The following BCL2L2 variants were observed in gnomAD, a reference collection of about 807,000 sequenced individuals.
BCL2L2 encodes the protein bcl-2-like protein 2.
A neutral mutation model predicts 14.6 loss-of-function variants in BCL2L2; 6 were observed. The ratio of observed to expected loss-of-function variants is 0.41; its 90% CI spans 0.22 to 0.81. The LOEUF is 0.81. Among genes scored for constraint, BCL2L2 ranks in the 30% least tolerant of loss-of-function variants. The probability of loss-of-function intolerance (pLI) is 0.32; values close to 1 mark genes in which losing one functional copy is unlikely to be tolerated. For synonymous variants in BCL2L2, 90 were observed against 108.5 expected, an observed-to-expected ratio of 0.83 and a Z score of 1.06; for missense variants, 191 against 260.5, an observed-to-expected ratio of 0.73 and a Z score of 1.84.
At chr14:23,307,668 T>A in intron 2 of BCL2L2, 92 bp from the exon 3 acceptor site, 16 of 1,475,610 alleles carry the variant, frequency 1.1e-5, no homozygotes, top group Non-Finnish European at 1.4e-5. Context: ...TCCTCTCTCC[T>A]CCTCATCTCA....
In BCL2L2 at chr14:23,307,840, A is replaced by G; in HGVS notation, c.73A>G (p.Lys25Glu). 6.3e-7 allele frequency: 1 copy of G among 1,596,416 alleles called. No homozygotes were observed. ...ADFVGYKLRQ[K>E]GYVCGAGPGE... is the part of the protein sequence containing the mutation. ...CTTTGTAGGTTATAAGCTGAGGCAG[A>G]AGGGTTATGTCTGTGGAGCTGGCCC... The change falls in exon 3 of 4, where the codon AAG (lysine) becomes GAG (glutamate). Residue 25 changes from lysine (K) to glutamate (E), a missense_variant. Physicochemically the swap from Lys to Glu is moderately conservative, Grantham distance 56. Transcript: ENST00000250405.
Position 23,308,734 on chromosome 14 carries a change from T to C in BCL2L2, c.433-82T>C. The stretch of plus-strand genomic sequence containing the variant: ...CTCGCAGTGGATGGAACTGGAACTC[T>C]TCCTCTCCTCTTCTCTCCACTCTTT... On this transcript the variant is annotated intron_variant, in intron 3 of 3. Coordinates refer to ENST00000250405, the MANE Select transcript of BCL2L2 (RefSeq NM_004050.5). The surrounding 1 kb of genome is among the most constrained non-coding windows in gnomAD (Gnocchi z 5.4). 6.0e-6 allele frequency: 7 copies of C among 1,157,370 alleles called. No individual in the cohort carries two copies. The highest frequency in any genetic ancestry group is 5.7e-6 in the Non-Finnish European group (5 of 879,356). 71.7% of individuals were successfully genotyped at this position (1,157,370 alleles called of 1,614,324 possible). A position where few individuals can be genotyped will look rare whatever the true frequency, so the allele number is the denominator to read the frequency against.
rs1887475202 is a variant in BCL2L2 at position 23,309,486 on chromosome 14, GTGA to G, written c.*524_*526del. 1 of 986,550 alleles carries G rather than the reference GTGA, an allele frequency of 1.0e-6. No individual in the cohort carries two copies. Among genetic ancestry groups the G allele is most frequent in the Non-Finnish European group, 1.2e-6 (1 of 830,648 alleles). The allele number at this position is 986,550 out of a possible 1,614,324, so 61.1% of individuals were successfully genotyped here. A position where few individuals can be genotyped will look rare whatever the true frequency, so the allele number is the denominator to read the frequency against. ...GCTGGGCTGCCTGGCAAATCTGGTG[GTGA>G]TGGGATTCCTCAAGGAGAAAACATT... On this transcript the variant is annotated 3_prime_UTR_variant, in exon 4 of 4. Transcript: ENST00000250405.
chr14:23,307,802 C>G lies in BCL2L2; in HGVS notation c.35C>G (p.Ala12Gly). Residue 12 changes from alanine to glycine, a missense_variant, in exon 3 of 4, where the codon GCT becomes GGT. Coordinates refer to ENST00000250405, the MANE Select transcript of BCL2L2 (RefSeq NM_004050.5). ...CCAGCCTCGGCCCCAGACACACGGG[C>G]TCTGGTGGCAGACTTTGTAGGTTAT... ...ATPASAPDTR[A>G]LVADFVGYKL... 2 of 1,544,702 alleles carry G rather than the reference C, an allele frequency of 1.3e-6. No homozygotes were observed. The highest frequency in any genetic ancestry group is 1.7e-6 in the Non-Finnish European group (2 of 1,147,514).
In BCL2L2 at chr14:23,311,733, C is replaced by T. The variant is rs1380528404; in HGVS notation, c.*2768C>T. On this transcript the variant is annotated 3_prime_UTR_variant, in exon 4 of 4. Coordinates refer to ENST00000250405, the MANE Select transcript of BCL2L2 (RefSeq NM_004050.5). ...ATCGTATTAAAAACAATAAATAAAG[C>T]CCAGAAGTTTAATGAGAAGGACTGA... The T allele has an allele frequency of 3.1e-6, 3 of 968,074 alleles. No individual in the cohort carries two copies. Among genetic ancestry groups the T allele is most frequent in the Non-Finnish European group, 3.7e-6 (3 of 814,482 alleles). 60.0% of individuals were successfully genotyped at this position (968,074 alleles called of 1,614,324 possible). A position where few individuals can be genotyped will look rare whatever the true frequency, so the allele number is the denominator to read the frequency against.
In BCL2L2 at chr14:23,310,771, C is replaced by T; in HGVS notation, c.*1806C>T. ...GTTTCCTAGGGGTTGCCTCAGGAGT[C>T]CTTGGGGAGATGAAGGGGGTGGGGA... On this transcript the variant is annotated 3_prime_UTR_variant, in exon 4 of 4. Transcript: ENST00000250405. 8.3e-7 allele frequency: 1 copy of T among 1,199,518 alleles called. No individual in the cohort carries two copies. Among genetic ancestry groups the T allele is most frequent in the Non-Finnish European group, 1.1e-6 (1 of 946,542 alleles). The allele number at this position is 1,199,518 out of a possible 1,614,324, so 74.3% of individuals were successfully genotyped here.
rs753772043 is a variant in BCL2L2 at position 23,309,727 on chromosome 14, T to C, written c.*762T>C. 8.4e-4 allele frequency: 824 copies of C among 985,606 alleles called. No homozygotes were observed. Among genetic ancestry groups the C allele is most frequent in the Non-Finnish European group, 9.5e-4 (786 of 830,036 alleles). The allele number at this position is 985,606 out of a possible 1,614,324, so 61.1% of individuals were successfully genotyped here. On this transcript the variant is annotated 3_prime_UTR_variant, in exon 4 of 4. Coordinates refer to ENST00000250405, the MANE Select transcript of BCL2L2 (RefSeq NM_004050.5). ...TTGTTCCTTCATCATCCCCCTTCCTTGTGCATTATGCACTTGCTGCTGCCT... is the reference window on the plus strand; with the variant it reads ...TTGTTCCTTCATCATCCCCCTTCCTCGTGCATTATGCACTTGCTGCTGCCT...
chr14:23,310,082 G>A lies in BCL2L2; in HGVS notation c.*1117G>A, dbSNP rs1887514587. Reference sequence around the variant, plus strand: ...GTACTCCAGGACTGGCCTATGCTGTGTTGTGGGCTTTGGTTCGGCTTTATC... The same window carrying A: ...GTACTCCAGGACTGGCCTATGCTGTATTGTGGGCTTTGGTTCGGCTTTATC... On this transcript the variant is annotated 3_prime_UTR_variant, in exon 4 of 4. Coordinates refer to ENST00000250405, the MANE Select transcript of BCL2L2 (RefSeq NM_004050.5). 1 of 985,546 alleles carries A rather than the reference G, an allele frequency of 1.0e-6. No individual in the cohort carries two copies. Among genetic ancestry groups the A allele is most frequent in the Non-Finnish European group, 1.2e-6 (1 of 830,044 alleles). The allele number at this position is 985,546 out of a possible 1,614,324, so 61.1% of individuals were successfully genotyped here.
Position 23,310,454 on chromosome 14 carries a change from G to A in BCL2L2, c.*1489G>A, listed in dbSNP as rs1887539734. ...AGCTAGACCATGGTTGACTCTTCTT[G>A]GAGATTTTCACTTGGTCCTAGAATG... On this transcript the variant is annotated 3_prime_UTR_variant, in exon 4 of 4. Coordinates refer to ENST00000250405, the MANE Select transcript of BCL2L2 (RefSeq NM_004050.5). 9.9e-7 allele frequency: 1 copy of A among 1,010,524 alleles called. No individual in the cohort carries two copies. Among genetic ancestry groups the A allele is most frequent in the Non-Finnish European group, 1.2e-6 (1 of 845,670 alleles). The allele number at this position is 1,010,524 out of a possible 1,614,324, so 62.6% of individuals were successfully genotyped here. A position where few individuals can be genotyped will look rare whatever the true frequency, so the allele number is the denominator to read the frequency against.
rs78478800 is a variant in BCL2L2 at position 23,310,731 on chromosome 14, T to G, written c.*1766T>G. ...CTAGGCCAGTGGTTTTCAAACTGCTTGGCAGAGCCCTGAAGTTTCCTAGGG... is the reference window on the plus strand; with the variant it reads ...CTAGGCCAGTGGTTTTCAAACTGCTGGGCAGAGCCCTGAAGTTTCCTAGGG... On this transcript the variant is annotated 3_prime_UTR_variant, in exon 4 of 4. Transcript: ENST00000250405. 3.4e-5 allele frequency: 40 copies of G among 1,187,578 alleles called. No individual in the cohort carries two copies. The East Asian group carries it at 2.3e-3, about 67-fold the overall frequency. 73.6% of individuals were successfully genotyped at this position (1,187,578 alleles called of 1,614,324 possible).
chr14:23,311,461 T>G lies in BCL2L2; in HGVS notation c.*2496T>G. 1 of 1,037,878 alleles carries G rather than the reference T, an allele frequency of 9.6e-7. No individual in the cohort carries two copies. The highest frequency in any genetic ancestry group is 1.2e-6 in the Non-Finnish European group (1 of 863,230). 64.3% of individuals were successfully genotyped at this position (1,037,878 alleles called of 1,614,324 possible). On this transcript the variant is annotated 3_prime_UTR_variant, in exon 4 of 4. Coordinates refer to ENST00000250405, the MANE Select transcript of BCL2L2 (RefSeq NM_004050.5). ...GAGCCCAAAGGGACAAATAGGGACT[T>G]TGTTTAGGCCAAGGAAGGAGCGGAA...
chr14:23,307,586 C>CA (rs1035339611), intron 2 of BCL2L2, among the ~76,000 whole-genome samples, 174 bp from the exon 3 acceptor site: 1 of 152,238 alleles, frequency 6.6e-6, no homozygotes, highest in African/African-American at 2.4e-5. Context: ...GCCAGCCACT[C>CA]ACAGCCTAGT....
chr14:23,309,815 A>G lies in BCL2L2; in HGVS notation c.*850A>G. 1.0e-6 allele frequency: 1 copy of G among 985,450 alleles called. No homozygotes were observed. The highest frequency in any genetic ancestry group is 1.2e-6 in the Non-Finnish European group (1 of 829,962). The allele number at this position is 985,450 out of a possible 1,614,324, so 61.0% of individuals were successfully genotyped here. The stretch of plus-strand genomic sequence containing the variant: ...GATGGGTGGAGGCTTAGGTAGCCGG[A>G]CCTGCCTGCCACCCTCCTCTCCCAC... On this transcript the variant is annotated 3_prime_UTR_variant, in exon 4 of 4. Transcript: ENST00000250405.
At position 23,310,198 on chromosome 14, in the gene BCL2L2, T is replaced by C. The variant is rs1887522460; in HGVS notation, c.*1233T>C. 1.0e-6 allele frequency: 1 copy of C among 985,802 alleles called. No individual in the cohort carries two copies. The highest frequency in any genetic ancestry group is 1.7e-5 in the African/African-American group (1 of 57,232). 61.1% of individuals were successfully genotyped at this position (985,802 alleles called of 1,614,324 possible). ...GCCACACTGTTTGCATGGGTGTTAC[T>C]TGTCTGTACCTCAGAGTCTGAGGAT... On this transcript the variant is annotated 3_prime_UTR_variant, in exon 4 of 4. Transcript: ENST00000250405.
rs1490694050 is a variant in BCL2L2 at position 23,306,837 on chromosome 14, C to G, written c.-154C>G. The G allele has an allele frequency of 6.6e-6, 1 of 152,226 alleles. No individual in the cohort carries two copies. The highest frequency in any genetic ancestry group is 2.4e-5 in the African/African-American group (1 of 41,400). 9.4% of individuals were successfully genotyped at this position (152,226 alleles called of 1,614,324 possible). A position where few individuals can be genotyped will look rare whatever the true frequency, so the allele number is the denominator to read the frequency against. ...TCCTTCCCTCCCTTCCTCCCTCTCT[C>G]CCTCCCTCCCAGCTCCTGCACCAGG... On this transcript the variant is annotated 5_prime_UTR_variant, in exon 1 of 4. Coordinates refer to ENST00000250405, the MANE Select transcript of BCL2L2 (RefSeq NM_004050.5).
chr14:23,309,322 A>G lies in BCL2L2; in HGVS notation c.*357A>G. 1.9e-6 allele frequency: 2 copies of G among 1,056,148 alleles called. No individual in the cohort carries two copies. Among genetic ancestry groups the G allele is most frequent in the African/African-American group, 3.3e-5 (2 of 59,898 alleles). 65.4% of individuals were successfully genotyped at this position (1,056,148 alleles called of 1,614,324 possible). ...TACATAAGCAGCTGTATTCCATTAG[A>G]TGAGTGGGATTTAGGGAACGCAGAA... On this transcript the variant is annotated 3_prime_UTR_variant, in exon 4 of 4. Transcript: ENST00000250405.
chr14:23,308,815 G>T lies in BCL2L2; in HGVS notation c.433-1G>T. On this transcript the variant is annotated splice_acceptor_variant, in intron 3 of 3. Transcript: ENST00000250405. LOFTEE classifies it high-confidence loss of function. This position sits in a 1 kb window ranked among gnomAD's most constrained non-coding sequence, Gnocchi z 5.4. ...TCTCCTGCTTCCCTTCTCTCCCACA[G>T]GCGGAGTTCACAGCTCTATACGGGG... is the stretch of plus-strand genomic sequence containing the variant. 7.6e-7 allele frequency: 1 copy of T among 1,321,564 alleles called. No homozygotes were observed. The highest frequency in any genetic ancestry group is 9.7e-7 in the Non-Finnish European group (1 of 1,027,764). 81.9% of individuals were successfully genotyped at this position (1,321,564 alleles called of 1,614,324 possible). A position where few individuals can be genotyped will look rare whatever the true frequency, so the allele number is the denominator to read the frequency against.
In BCL2L2 at chr14:23,310,948, T is replaced by C. The variant is rs1887576132; in HGVS notation, c.*1983T>C. 3 of 1,289,474 alleles carry C rather than the reference T, an allele frequency of 2.3e-6. No homozygotes were observed. Among genetic ancestry groups the C allele is most frequent in the South Asian group, 2.5e-5 (2 of 81,028 alleles). The allele number at this position is 1,289,474 out of a possible 1,614,324, so 79.9% of individuals were successfully genotyped here. On this transcript the variant is annotated 3_prime_UTR_variant, in exon 4 of 4. Coordinates refer to ENST00000250405, the MANE Select transcript of BCL2L2 (RefSeq NM_004050.5). ...CACTGACTAGACCATCGGCTCCAAA[T>C]TGGAGTCTGTGCTTCCTTCCCCAGG...
rs1335467503 is a variant in BCL2L2, at chr14:23,309,079, T to C, written c.*114T>C. 4 of 1,266,750 alleles carry C rather than the reference T, an allele frequency of 3.2e-6. No individual in the cohort carries two copies. In the East Asian group the frequency reaches 1.2e-4, roughly 38 times the overall value. 78.5% of individuals were successfully genotyped at this position (1,266,750 alleles called of 1,614,324 possible). On this transcript the variant is annotated 3_prime_UTR_variant, in exon 4 of 4. Coordinates refer to ENST00000250405, the MANE Select transcript of BCL2L2 (RefSeq NM_004050.5). ...GTGGATGGGTGGGCATGGAACAGGATGGGCAGAGAAAGGGTAGTGTGTGAG... is the reference window on the plus strand; with the variant it reads ...GTGGATGGGTGGGCATGGAACAGGACGGGCAGAGAAAGGGTAGTGTGTGAG...
Sources: allele counts gnomAD v4.1 joint callset (sites outside exome capture counted in the v4.1 genomes callset), GRCh38; gene constraint gnomAD v4.1.1; non-coding constraint Gnocchi (gnomAD v3.1); transcripts MANE v1.5; gene names NCBI Gene and HGNC (gene_info 2026-07-23, HGNC 2026-07-21).